The following ERICH2 variants were observed in gnomAD, a reference collection of about 807,000 sequenced individuals.
ERICH2 encodes glutamate rich 2, also known as glutamate-rich protein 2.
Under a neutral mutation model 17.4 loss-of-function variants are expected in ERICH2, and 17 were observed. That is an observed-to-expected ratio of 0.98 (90% CI 0.67 to 1.47). ERICH2 has a LOEUF of 1.47. Ranked by LOEUF, ERICH2 falls within the 40% of genes most tolerant of loss-of-function variation. The pLI, the probability that ERICH2 is intolerant of heterozygous loss-of-function variation, is 0.00. For missense variants in ERICH2, 186 were observed against 183.2 expected (o/e 1.01, Z -0.09); for synonymous variants, 51 against 61.1 (o/e 0.83, Z 0.77).
intron 2 of ERICH2, among the ~76,000 whole-genome samples, chr2:170,785,480 A>G (rs996269717): frequency 6.6e-6 from 1 of 152,134 alleles, no homozygotes; most frequent in Non-Finnish European, 1.5e-5. Flanking sequence ...ACTGGGCACC[A>G]TGCTAGTTGC....
chr2:170,787,651 G>T (rs1369948826), intron 2 of ERICH2, among the ~76,000 whole-genome samples: 1 of 152,200 alleles, frequency 6.6e-6, no homozygotes, highest in African/African-American at 2.4e-5. Flanking sequence ...TCTGCAGATT[G>T]CTGGAGCCCT....
chr2:170,796,420 CTCTCTT>C (rs1314512595), intron 3 of ERICH2, among the ~76,000 whole-genome samples: 8 of 90,332 alleles, frequency 8.9e-5, no homozygotes, highest in African/African-American at 1.9e-4. Flanking sequence ...ATCTCTCTCT[CTCTCTT>C]TGTTTTTTTT....
intron 4 of ERICH2, among the ~76,000 whole-genome samples, chr2:170,798,560 T>C (rs1196566492): frequency 6.6e-6 from 1 of 152,256 alleles, no homozygotes; most frequent in African/African-American, 2.4e-5. Flanking sequence ...TATAGACTTA[T>C]GTTTTAAATT....
intron 3 of ERICH2, among the ~76,000 whole-genome samples, chr2:170,794,242 G>A (rs1216165623): frequency 6.6e-6 from 1 of 151,388 alleles, no homozygotes; most frequent in African/African-American, 2.4e-5. Context: ...AAGCAGCTGG[G>A]ATTACAGGCT....
intron 2 of ERICH2, among the ~76,000 whole-genome samples, chr2:170,789,050 C>T (rs1701222006): frequency 4.6e-5 from 7 of 151,912 alleles, no homozygotes; most frequent in Admixed American, 4.6e-4. Context: ...CAGCCTCTGC[C>T]TCTGAGTTGA....
chr2:170,798,846 T>C, exon 5 of ERICH2: 1 of 1,550,616 alleles, frequency 6.4e-7, no homozygotes, highest in South Asian at 1.2e-5. Flanking sequence ...GAGAAAGCGA[T>C]GAGGAGCTGA....
At chr2:170,793,010 G>A in intron 3 of ERICH2, 90 bp downstream of exon 8, 2 of 707,248 alleles carry the variant, frequency 2.8e-6, no homozygotes, top group South Asian at 2.6e-5. Context: ...ATTATCATAG[G>A]TCTAGTGAAT....
At chr2:170,774,867 G>A in the ERICH2 span, among the ~76,000 whole-genome samples, 2 of 150,582 alleles carry the variant, frequency 1.3e-5, no homozygotes, top group Non-Finnish European at 3.0e-5. Context: ...GAGCCACCAC[G>A]CCCAGCCCAA....
chr2:170,779,629 A>G (rs1394114526), upstream of ERICH2, among the ~76,000 whole-genome samples: 3 of 152,224 alleles, frequency 2.0e-5, no homozygotes, highest in Non-Finnish European at 4.4e-5. Flanking sequence ...TTTCAAGCAT[A>G]AAGATTGAGG....
At chr2:170,788,150 T>A (rs1354134613) in intron 2 of ERICH2, among the ~76,000 whole-genome samples, 1 of 152,180 alleles carries the variant, frequency 6.6e-6, no homozygotes, top group African/African-American at 2.4e-5. Flanking sequence ...TTTTGAAACC[T>A]CCTTAATATT....
chr2:170,785,501 G>A (rs980770132), intron 2 of ERICH2, among the ~76,000 whole-genome samples: 3 of 152,032 alleles, frequency 2.0e-5, no homozygotes, highest in Admixed American at 2.0e-4. Context: ...TGGGGATATA[G>A]AAATAAATAA....
chr2:170,792,004 A>G (rs975093600), intron 2 of ERICH2, among the ~76,000 whole-genome samples: 2 of 152,188 alleles, frequency 1.3e-5, no homozygotes, highest in Non-Finnish European at 2.9e-5. Context: ...TGTGTCACAC[A>G]CAAGCAAGAA....
At chr2:170,782,367 T>C (rs1041517368), upstream of ERICH2, 13 of 983,880 alleles carry the variant, frequency 1.3e-5, no homozygotes, top group Non-Finnish European at 1.3e-5. Context: ...TATTGTCATC[T>C]TCCTGCTTAA....
At chr2:170,798,323 A>AG (rs1364610684) in intron 4 of ERICH2, among the ~76,000 whole-genome samples, 3 of 152,182 alleles carry the variant, frequency 2.0e-5, no homozygotes, top group Admixed American at 1.3e-4. Context: ...GCCCGAGCAG[A>AG]GCAGGCTCCC....
chr2:170,782,249 T>C, upstream of ERICH2: 1 of 933,656 alleles, frequency 1.1e-6, no homozygotes, highest in Non-Finnish European at 1.3e-6. Context: ...AGGAAGGAAG[T>C]CCCTTCTAAG....
chr2:170,791,736 ATAAT>A (rs1000111671), intron 2 of ERICH2, among the ~76,000 whole-genome samples: 3 of 151,338 alleles, frequency 2.0e-5, no homozygotes, highest in East Asian at 1.9e-4. Context: ...AATAAAATAA[ATAAT>A]TAGTATGTGA....
exon 2 of ERICH2, chr2:170,784,758 T>C (rs1303746209): frequency 1.3e-6 from 2 of 1,545,610 alleles, no homozygotes; most frequent in African/African-American, 1.4e-5. Context: ...GTGAAGATGA[T>C]ACCAATGATG....
At chr2:170,773,602 C>T in the ERICH2 span, among the ~76,000 whole-genome samples, 595 of 152,316 alleles carry the variant, frequency 3.9e-3, 5 homozygotes, top group African/African-American at 0.013. Flanking sequence ...GAAGTTAGTA[C>T]CCGTTTCACC....
the ERICH2 span, chr2:170,770,982 C>T: frequency 1.4e-5 from 2 of 145,926 alleles, no homozygotes; most frequent in African/African-American, 5.0e-5. Context: ...CCTGCCCCCG[C>T]CCCCGCCCCC....
Sources: gnomAD v4.1 joint callset for allele counts (sites outside exome capture counted in the v4.1 genomes callset) on GRCh38, gnomAD v4.1.1 for gene constraint, MANE v1.5 for transcripts, NCBI Gene and HGNC (gene_info 2026-07-23, HGNC 2026-07-21) for gene names.